The following SERGEF variants were observed in gnomAD, a reference collection of about 807,000 sequenced individuals.
SERGEF encodes the protein secretion regulating guanine nucleotide exchange factor, also known as secretion-regulating guanine nucleotide exchange factor.
A neutral mutation model predicts 50.0 loss-of-function variants in SERGEF; 51 were observed. The ratio of observed to expected loss-of-function variants is 1.02; its 90% CI spans 0.81 to 1.29. The LOEUF (loss-of-function observed/expected upper bound fraction) is 1.29. Ranked by LOEUF, SERGEF falls within the 50% of genes most tolerant of loss-of-function variation. The pLI is 0.00. For synonymous variants in SERGEF, 205 were observed against 212.4 expected (o/e 0.97, Z 0.30); for missense variants, 521 against 557.0 (o/e 0.94, Z 0.65).
intron 10 of SERGEF, among the ~76,000 whole-genome samples, chr11:17,808,346 G>A (rs1849802240): frequency 6.6e-6 from 1 of 152,238 alleles, no homozygotes; most frequent in African/African-American, 2.4e-5. Flanking sequence ...GCCTCAGGAA[G>A]CTTCCAATCA....
intron 9 of SERGEF, among the ~76,000 whole-genome samples, chr11:17,930,590 T>C (rs1286920256): frequency 1.3e-5 from 2 of 152,246 alleles, no homozygotes; most frequent in Admixed American, 6.5e-5. Context: ...AAAACTCCCT[T>C]CCCCATCTAT....
At chr11:17,977,382 A>G (rs1445275909) in intron 8 of SERGEF, among the ~76,000 whole-genome samples, 1 of 152,316 alleles carries the variant, frequency 6.6e-6, no homozygotes, top group East Asian at 1.9e-4. Flanking sequence ...GCATTCCTGG[A>G]AGAAAGAACT....
chr11:17,789,018 G>C (rs902417173), intron 10 of SERGEF, among the ~76,000 whole-genome samples: 2 of 152,172 alleles, frequency 1.3e-5, no homozygotes, highest in African/African-American at 4.8e-5. Context: ...TAACTATCTT[G>C]GTGTCCTCAC....
intron 8 of SERGEF, among the ~76,000 whole-genome samples, chr11:17,962,664 G>T (rs1237599671): frequency 6.6e-6 from 1 of 152,160 alleles, no homozygotes; most frequent in Non-Finnish European, 1.5e-5. Context: ...TAACTACAGA[G>T]CCAAGAAGTA....
At chr11:17,947,532 A>G (rs1852686187) in intron 9 of SERGEF, among the ~76,000 whole-genome samples, 2 of 152,198 alleles carry the variant, frequency 1.3e-5, no homozygotes, top group South Asian at 4.1e-4. Context: ...TACCTCCACT[A>G]GTTTGTGCCC....
At chr11:17,999,690 C>T in intron 5 of SERGEF, 1 of 397,336 alleles carries the variant, frequency 2.5e-6, no homozygotes, top group South Asian at 1.9e-5. Context: ...GTCCCATCAC[C>T]CACTCACAGT....
At chr11:17,814,107 T>C (rs1849922624) in intron 10 of SERGEF, among the ~76,000 whole-genome samples, 1 of 152,252 alleles carries the variant, frequency 6.6e-6, no homozygotes, top group Non-Finnish European at 1.5e-5. Context: ...TTGAGAACTC[T>C]AACCCTTACA....
chr11:17,867,025 G>A lies in SERGEF; in HGVS notation c.1048+11183C>T, dbSNP rs368181455. ...TCTCCTACAACACATGGGAATTCAA[G>A]ATGAGATCTGGGACACAGCCAAACC... On this transcript the variant is annotated intron_variant, in intron 10 of 10. Coordinates refer to ENST00000265965, the MANE Select transcript of SERGEF (RefSeq NM_012139.4). 2.0e-5 allele frequency among the ~76,000 whole-genome samples: 3 copies of A among 152,204 alleles called. No homozygotes were observed. In the East Asian group the frequency reaches 5.8e-4, roughly 29 times the overall value.
chr11:17,996,804 T>C (rs545788440), intron 5 of SERGEF, among the ~76,000 whole-genome samples: 1 of 151,496 alleles, frequency 6.6e-6, no homozygotes, highest in Non-Finnish European at 1.5e-5. Context: ...TTCAACAAAT[T>C]GACTTCGAGA....
chr11:17,802,629 A>G (rs1849691710), intron 10 of SERGEF, among the ~76,000 whole-genome samples: 1 of 152,080 alleles, frequency 6.6e-6, no homozygotes, highest in African/African-American at 2.4e-5. Flanking sequence ...ACTCCTCTTC[A>G]GCCACACTGG....
intron 9 of SERGEF, among the ~76,000 whole-genome samples, chr11:17,953,834 T>C (rs1233462725): frequency 2.0e-5 from 3 of 152,156 alleles, no homozygotes; most frequent in Admixed American, 6.5e-5. Context: ...TGTTTCACCA[T>C]CTCTCTCAAA....
rs545643280 is a variant in SERGEF at position 17,908,642 on chromosome 11, C to T, written c.1012-30398G>A. ...TTGGAACTCTAAATACAGTGCTTGA[C>T]ATCAGTATTCAGAAAACAGTTGATG... On this transcript the variant is annotated intron_variant, in intron 9 of 10. Coordinates refer to ENST00000265965, the MANE Select transcript of SERGEF (RefSeq NM_012139.4). 4.6e-5 allele frequency among the ~76,000 whole-genome samples: 7 copies of T among 152,258 alleles called. 1 individual carries two copies. The highest frequency in any genetic ancestry group is 2.1e-4 in the South Asian group (1 of 4,824).
chr11:17,870,075 G>A (rs749096998), intron 10 of SERGEF, among the ~76,000 whole-genome samples: 11 of 152,144 alleles, frequency 7.2e-5, no homozygotes, highest in African/African-American at 2.4e-4. Context: ...AGATCTGATG[G>A]TTTTATAAGG....
At chr11:17,962,444 A>C (rs1199209746) in intron 8 of SERGEF, among the ~76,000 whole-genome samples, 1 of 152,246 alleles carries the variant, frequency 6.6e-6, no homozygotes, top group Non-Finnish European at 1.5e-5. Flanking sequence ...GGGAGATTCA[A>C]ATCACAAATT....
At chr11:17,961,993 A>G (rs1853010145) in intron 8 of SERGEF, among the ~76,000 whole-genome samples, 2 of 152,174 alleles carry the variant, frequency 1.3e-5, no homozygotes, top group South Asian at 2.1e-4. Context: ...TATTAAGCTT[A>G]TTTTACAGAT....
intron 10 of SERGEF, chr11:17,855,816 T>G (rs1159282311): frequency 1.3e-5 from 2 of 152,278 alleles, no homozygotes; most frequent in African/African-American, 4.8e-5. Context: ...TTTCTTAGTC[T>G]GCCTGGGCAG....
intron 10 of SERGEF, among the ~76,000 whole-genome samples, chr11:17,807,408 G>A (rs548898380): frequency 6.6e-6 from 1 of 152,284 alleles, no homozygotes; most frequent in African/African-American, 2.4e-5. Context: ...GCTGAGCACT[G>A]GTGCCAAGGT....
intron 10 of SERGEF, among the ~76,000 whole-genome samples, chr11:17,862,329 G>C (rs942612593): frequency 1.3e-5 from 2 of 152,178 alleles, no homozygotes; most frequent in African/African-American, 2.4e-5. Context: ...AGCTAGTAGA[G>C]ACCTCAAAGA....
intron 1 of SERGEF, 177 bp downstream of exon 1, chr11:18,012,774 T>TGCCCCC: frequency 8.6e-4 from 1,101 of 1,284,502 alleles, no homozygotes; most frequent in Non-Finnish European, 1.1e-3. Flanking sequence ...GACCCTTCCT[T>TGCCCCC]CCCCGCCCGC....
Sources: allele counts gnomAD v4.1 joint callset (sites outside exome capture counted in the v4.1 genomes callset), GRCh38; gene constraint gnomAD v4.1.1; transcripts MANE v1.5; gene names NCBI Gene and HGNC (gene_info 2026-07-23, HGNC 2026-07-21).